Variants in PHF20 observed in about 807,000 individuals in gnomAD.
PHF20 encodes PHD finger protein 20.
In PHF20, 23 loss-of-function variants were observed where a neutral mutation model predicts 113.5. The observed-to-expected ratio is 0.20, with a 90% CI of 0.15 to 0.29. PHF20 has a LOEUF of 0.29. Among genes scored for constraint, PHF20 ranks in the 10% least tolerant of loss-of-function variants. PHF20 has a pLI of 1.00. For synonymous variants in PHF20, 434 were observed against 457.3 expected (o/e 0.95, Z 0.65); for missense variants, 943 against 1,219.6 (o/e 0.77, Z 3.38).
At chr20:35,849,596 G>A in intron 4 of PHF20, 1 of 447,548 alleles carries the variant, frequency 2.2e-6, no homozygotes, top group Non-Finnish European at 4.6e-6. Context: ...TGGTCAGTTT[G>A]TGCTTCATCA....
intron 1 of PHF20, among the ~76,000 whole-genome samples, chr20:35,783,916 C>T (rs555429837): frequency 1.2e-3 from 183 of 150,348 alleles, no homozygotes; most frequent in African/African-American, 4.2e-3. Context: ...ACCCAGGAGG[C>T]GGAGGTTGTG....
chr20:35,855,005 G>C (rs570657761), intron 4 of PHF20, among the ~76,000 whole-genome samples: 1 of 152,262 alleles, frequency 6.6e-6, no homozygotes, highest in African/African-American at 2.4e-5. Flanking sequence ...CTGTAAAAAT[G>C]GCAGTTTTCA....
At chr20:35,869,675 T>C in intron 7 of PHF20, 124 bp downstream of exon 7, 3 of 691,528 alleles carry the variant, frequency 4.3e-6, no homozygotes, top group Non-Finnish European at 7.7e-6. Context: ...CATGAGGTAA[T>C]GTGAGTTGGA....
intron 2 of PHF20, among the ~76,000 whole-genome samples, chr20:35,841,621 T>G (rs978085180): frequency 6.6e-6 from 1 of 151,798 alleles, no homozygotes; most frequent in South Asian, 2.1e-4. Flanking sequence ...AATACAAAAA[T>G]TAGCTGGGTG....
Position 35,939,099 on chromosome 20 carries a change from C to T in PHF20, c.2703C>T (p.Gly901=), listed in dbSNP as rs768597920. 36 of 1,604,778 alleles carry T rather than the reference C, an allele frequency of 2.2e-5. 1 individual carries two copies. The Admixed American group carries it at 6.1e-4, about 27-fold the overall frequency. The part of the protein sequence containing the change: ...RSKGDSDPKP[G]SPKVKEYVSK... Reference sequence around the variant, plus strand: ...AGGGGGACAGTGACCCCAAACCCGGCTCCCCAAAGGTATGTGGCTGCCTTG... The same window carrying T: ...AGGGGGACAGTGACCCCAAACCCGGTTCCCCAAAGGTATGTGGCTGCCTTG... Residue 901 remains glycine, a synonymous_variant, in exon 16 of 18, where the codon GGC becomes GGT. Coordinates refer to ENST00000374012, the MANE Select transcript of PHF20 (RefSeq NM_016436.5).
intron 2 of PHF20, among the ~76,000 whole-genome samples, chr20:35,803,801 CTTTG>C (rs1456914720): frequency 2.0e-5 from 3 of 148,794 alleles, no homozygotes; most frequent in East Asian, 3.9e-4. Context: ...TTTTCTGTGT[CTTTG>C]TTTTTTATAT....
At chr20:35,799,879 C>G (rs904786932) in intron 1 of PHF20, among the ~76,000 whole-genome samples, 1 of 152,132 alleles carries the variant, frequency 6.6e-6, no homozygotes, top group South Asian at 2.1e-4. Flanking sequence ...GTTGGCCAGG[C>G]TGGTCTCAAA....
intron 4 of PHF20, among the ~76,000 whole-genome samples, chr20:35,855,752 C>T (rs2042815323): frequency 6.6e-6 from 1 of 152,114 alleles, no homozygotes; most frequent in Non-Finnish European, 1.5e-5. Context: ...TGGCTCACTG[C>T]AACCTCCACT....
intron 1 of PHF20, among the ~76,000 whole-genome samples, chr20:35,781,054 T>A (rs1425485819): frequency 6.6e-6 from 1 of 151,876 alleles, no homozygotes; most frequent in Non-Finnish European, 1.5e-5. Context: ...AGTTTTACCA[T>A]GTTGGTCAGT....
At chr20:35,806,185 A>G (rs1451338199) in intron 2 of PHF20, among the ~76,000 whole-genome samples, 1 of 90,808 alleles carries the variant, frequency 1.1e-5, no homozygotes, top group Non-Finnish European at 2.1e-5. Context: ...TTTTTTTGAT[A>G]TGTCTCACTC....
At chr20:35,823,449 A>AAAC (rs1568613325) in intron 2 of PHF20, among the ~76,000 whole-genome samples, 1 of 150,576 alleles carries the variant, frequency 6.6e-6, no homozygotes, top group African/African-American at 2.4e-5. Flanking sequence ...AAAAAAAAAA[A>AAAC]AAAAACCATA....
intron 2 of PHF20, among the ~76,000 whole-genome samples, chr20:35,823,954 A>C (rs1332435692): frequency 6.6e-6 from 1 of 152,236 alleles, no homozygotes; most frequent in South Asian, 2.1e-4. Context: ...CATTGGATGG[A>C]TATACCACAG....
chr20:35,941,295 G>C (rs1262297315), intron 17 of PHF20, among the ~76,000 whole-genome samples: 1 of 152,234 alleles, frequency 6.6e-6, no homozygotes, highest in African/African-American at 2.4e-5. Context: ...GTAAAGTTGA[G>C]TATGCAGAGA....
chr20:35,883,879 C>T (rs538056048), intron 9 of PHF20, among the ~76,000 whole-genome samples: 1 of 152,290 alleles, frequency 6.6e-6, no homozygotes, highest in African/African-American at 2.4e-5. Context: ...AACTTCTGCT[C>T]TCGGGGCACT....
intron 4 of PHF20, among the ~76,000 whole-genome samples, chr20:35,857,760 T>C (rs2042864107): frequency 6.6e-6 from 1 of 151,892 alleles, no homozygotes; most frequent in South Asian, 2.1e-4. Flanking sequence ...TAATTTTTTG[T>C]ATTTTTAGTA....
At chr20:35,867,420 T>C (rs1600848089) in intron 6 of PHF20, among the ~76,000 whole-genome samples, 1 of 152,184 alleles carries the variant, frequency 6.6e-6, no homozygotes, top group East Asian at 1.9e-4. Context: ...CCACCATGCC[T>C]GGCTAATTTT....
At chr20:35,939,230 T>A in intron 16 of PHF20, 122 bp downstream of exon 16, 1 of 1,205,762 alleles carries the variant, frequency 8.3e-7, no homozygotes, top group Non-Finnish European at 1.1e-6. Flanking sequence ...TTGCTTACCA[T>A]AGATATGTTT....
At chr20:35,773,681 A>T (rs2041111472) in intron 1 of PHF20, among the ~76,000 whole-genome samples, 1 of 152,122 alleles carries the variant, frequency 6.6e-6, no homozygotes, top group South Asian at 2.1e-4. Context: ...CTGTTTACCT[A>T]GTGGCTATAA....
intron 10 of PHF20, among the ~76,000 whole-genome samples, chr20:35,907,841 CT>C (rs2055228022): frequency 6.6e-6 from 1 of 152,140 alleles, no homozygotes; most frequent in East Asian, 1.9e-4. Context: ...TCCAGTATTT[CT>C]TTGTTTTTTG....
Sources: allele counts gnomAD v4.1 joint callset (sites outside exome capture counted in the v4.1 genomes callset), GRCh38; gene constraint gnomAD v4.1.1; transcripts MANE v1.5; gene names NCBI Gene and HGNC (gene_info 2026-07-23, HGNC 2026-07-21).